Variants in NALF1 observed in about 807,000 individuals in gnomAD.
NALF1 encodes the protein NALCN channel auxiliary factor 1.
NALF1 carries 3 observed loss-of-function variants against 48.4 expected under a neutral mutation model. The observed-to-expected ratio is 0.06, with a 90% CI of 0.03 to 0.16. The LOEUF (loss-of-function observed/expected upper bound fraction) is 0.16, where lower values mean the gene tolerates loss of function less well. Ranked by LOEUF, NALF1 falls within the 10% of genes least tolerant of loss-of-function variation. NALF1 has a pLI of 1.00. For missense variants in NALF1, 526 were observed against 571.5 expected (o/e 0.92, Z 0.81); for synonymous variants, 262 against 245.7 (o/e 1.07, Z -0.62).
At chr13:107,771,748 T>C (rs1173555599) in intron 1 of NALF1, among the ~76,000 whole-genome samples, 1 of 152,126 alleles carries the variant, frequency 6.6e-6, no homozygotes, top group Non-Finnish European at 1.5e-5. Flanking sequence ...AGCATTTCTT[T>C]TCTTTTTTTG....
chr13:107,814,490 T>C (rs1286032934), intron 1 of NALF1, among the ~76,000 whole-genome samples: 1 of 152,140 alleles, frequency 6.6e-6, no homozygotes, highest in Non-Finnish European at 1.5e-5. Context: ...GAGAAAGGTA[T>C]ATTATGCGAA....
At chr13:107,571,529 T>C (rs1296475995) in intron 1 of NALF1, among the ~76,000 whole-genome samples, 2 of 152,150 alleles carry the variant, frequency 1.3e-5, no homozygotes, top group Non-Finnish European at 2.9e-5. Context: ...CCCTGCCCCA[T>C]ACCTTGCCTC....
intron 1 of NALF1, among the ~76,000 whole-genome samples, chr13:107,853,619 A>G (rs1442534733): frequency 6.6e-6 from 1 of 152,208 alleles, no homozygotes; most frequent in Non-Finnish European, 1.5e-5. Context: ...TAGTATCACA[A>G]TACTGCAATA....
intron 1 of NALF1, among the ~76,000 whole-genome samples, chr13:107,595,200 T>C (rs1273772436): frequency 3.3e-5 from 5 of 152,136 alleles, no homozygotes; most frequent in African/African-American, 1.2e-4. Context: ...CCTAGTCATT[T>C]GGAAATTGTC....
At chr13:107,755,481 A>G (rs1877069193) in intron 1 of NALF1, among the ~76,000 whole-genome samples, 1 of 151,556 alleles carries the variant, frequency 6.6e-6, no homozygotes, top group African/African-American at 2.4e-5. Flanking sequence ...TGTCTTTTTC[A>G]TGAGTCCATC....
At chr13:107,818,871 C>CAAAAAAAAAAAAAAA (rs774372636) in intron 1 of NALF1, among the ~76,000 whole-genome samples, 11 of 73,818 alleles carry the variant, frequency 1.5e-4, no homozygotes, top group Admixed American at 3.0e-4. Context: ...GACTCCGTCT[C>CAAAAAAAAAAAAAAA]AAAAAAAAAA....
intron 1 of NALF1, among the ~76,000 whole-genome samples, chr13:107,366,532 G>C (rs890745828): frequency 6.6e-6 from 1 of 152,162 alleles, no homozygotes; most frequent in East Asian, 1.9e-4. Context: ...AGCTTCTTAT[G>C]ATAGCCATCA....
chr13:107,538,457 A>G (rs1246142676), intron 1 of NALF1, among the ~76,000 whole-genome samples: 1 of 152,172 alleles, frequency 6.6e-6, no homozygotes, highest in Non-Finnish European at 1.5e-5. Context: ...TAAAGGTGAA[A>G]CCATTGGAGC....
chr13:107,180,570 A>T (rs1199529823), intron 2 of NALF1, among the ~76,000 whole-genome samples: 3 of 151,932 alleles, frequency 2.0e-5, no homozygotes, highest in Non-Finnish European at 4.4e-5. Flanking sequence ...TTCATCTGAA[A>T]AAAGAAGAAA....
intron 1 of NALF1, among the ~76,000 whole-genome samples, chr13:107,643,099 G>A (rs1880205481): frequency 6.6e-6 from 1 of 152,076 alleles, no homozygotes; most frequent in Admixed American, 6.5e-5. Flanking sequence ...GGGGCACCCA[G>A]CCAAAGCACA....
intron 1 of NALF1, among the ~76,000 whole-genome samples, chr13:107,300,371 C>T (rs1881814570): frequency 6.6e-6 from 1 of 152,166 alleles, no homozygotes; most frequent in South Asian, 2.1e-4. Flanking sequence ...GCATTTGCAG[C>T]CTCAGGCCCA....
At chr13:107,229,553 G>C (rs934985452) in intron 1 of NALF1, among the ~76,000 whole-genome samples, 33 of 152,178 alleles carry the variant, frequency 2.2e-4, no homozygotes, top group African/African-American at 7.7e-4. Context: ...CTGAGTTCAA[G>C]AGAGCAGGGT....
chr13:107,250,591 T>C (rs1880678435), intron 1 of NALF1, among the ~76,000 whole-genome samples: 1 of 152,202 alleles, frequency 6.6e-6, no homozygotes, highest in African/African-American at 2.4e-5. Flanking sequence ...TGCTGTAATT[T>C]TCAGAGAGGA....
intron 1 of NALF1, among the ~76,000 whole-genome samples, chr13:107,849,059 T>A (rs1434879498): frequency 6.6e-6 from 1 of 152,194 alleles, no homozygotes; most frequent in Admixed American, 6.5e-5. Context: ...CCCATTTTAT[T>A]GCGTTCTAGA....
At chr13:107,812,167 T>C (rs1879015382) in intron 1 of NALF1, among the ~76,000 whole-genome samples, 1 of 152,172 alleles carries the variant, frequency 6.6e-6, no homozygotes, top group South Asian at 2.1e-4. Context: ...TCATTTCACC[T>C]AGATGTATGT....
chr13:107,288,877 C>A (rs185882377), intron 1 of NALF1, among the ~76,000 whole-genome samples: 1 of 152,160 alleles, frequency 6.6e-6, no homozygotes, highest in African/African-American at 2.4e-5. Flanking sequence ...AATGATGCAG[C>A]TAACACTCTC....
At chr13:107,234,397 T>C (rs1218433269) in intron 1 of NALF1, among the ~76,000 whole-genome samples, 1 of 152,230 alleles carries the variant, frequency 6.6e-6, no homozygotes, top group Non-Finnish European at 1.5e-5. Context: ...GTGACCTGAT[T>C]ATCCTTTCAT....
intron 1 of NALF1, among the ~76,000 whole-genome samples, chr13:107,436,375 C>A (rs1219836215): frequency 6.6e-6 from 1 of 152,144 alleles, no homozygotes; most frequent in African/African-American, 2.4e-5. Flanking sequence ...AAGTGGAGAT[C>A]ATCCCAGACA....
intron 1 of NALF1, among the ~76,000 whole-genome samples, chr13:107,457,191 T>C (rs1242133948): frequency 6.6e-6 from 1 of 152,216 alleles, no homozygotes; most frequent in South Asian, 2.1e-4. Context: ...GTTTATGGTA[T>C]GATTTAAAGT....
Sources: gnomAD v4.1 joint callset for allele counts (sites outside exome capture counted in the v4.1 genomes callset) on GRCh38, gnomAD v4.1.1 for gene constraint, MANE v1.5 for transcripts, NCBI Gene and HGNC (gene_info 2026-07-23, HGNC 2026-07-21) for gene names.